Variants in RSRP1 observed in about 807,000 individuals in gnomAD.
RSRP1 encodes the protein arginine/serine-rich protein 1.
A neutral mutation model predicts 33.0 loss-of-function variants in RSRP1; 37 were observed. The observed-to-expected ratio is 1.12, with a 90% CI of 0.86 to 1.48. The LOEUF (loss-of-function observed/expected upper bound fraction) is 1.48, where lower values mean the gene tolerates loss of function less well. RSRP1 is among the 40% of genes most tolerant of loss of function. The pLI, the probability that RSRP1 is intolerant of heterozygous loss-of-function variation, is 0.00. For missense variants in RSRP1, 402 were observed against 385.3 expected (o/e 1.04, Z -0.36); for synonymous variants, 167 against 158.7 (o/e 1.05, Z -0.40).
chr1:25,337,643 C>CG (rs1645106129), intron 1 of RSRP1: 1 of 141,508 alleles, frequency 7.1e-6, no homozygotes, highest in African/African-American at 2.7e-5. Flanking sequence ...TGGGTAGAGG[C>CG]GGGGGATGCA....
rs749634133 is a variant in RSRP1, at chr1:25,246,733, G to A, written c.231C>T (p.Tyr77=). 5 of 1,607,942 alleles carry A rather than the reference G, an allele frequency of 3.1e-6. No homozygotes were observed. Among genetic ancestry groups the A allele is most frequent in the Middle Eastern group, 1.7e-4 (1 of 6,044 alleles). The part of the protein sequence containing the change: ...RRRHQRKYRR[Y]SRSYSRSRSR... ...ACCGGCTCCGCGAGTATGACCGCGAGTAGCGCCTGTACTTCCGCTGGTGGC... is the reference window on the plus strand; with the variant it reads ...ACCGGCTCCGCGAGTATGACCGCGAATAGCGCCTGTACTTCCGCTGGTGGC... The change falls in exon 2 of 5, where the codon TAC becomes TAT. Residue 77 remains tyrosine (Y), a synonymous_variant. Coordinates refer to ENST00000243189, the MANE Select transcript of RSRP1 (RefSeq NM_020317.5).
At chr1:25,260,482 T>A (rs1208214566) in intron 1 of RSRP1, among the ~76,000 whole-genome samples, 1 of 152,168 alleles carries the variant, frequency 6.6e-6, no homozygotes. Flanking sequence ...GAAGCCACCC[T>A]CCAAACACAG....
In RSRP1 at chr1:25,321,458, C is replaced by G. The variant is rs1343679789; in HGVS notation, c.-67+16520G>C. On this transcript the variant is annotated intron_variant, in intron 1 of 1. Transcript: ENST00000561867. ...GGTGGATCACCTGAGGTCGGGAGTT[C>G]GAGACCAGCCTGGCCAACATGGTGA... Among the ~76,000 whole-genome samples, 9 of 112,200 alleles carry G rather than the reference C, an allele frequency of 8.0e-5. 2 individuals are homozygous for G. Among genetic ancestry groups the G allele is most frequent in the Non-Finnish European group, 1.4e-4 (7 of 48,686 alleles). 73.6% of individuals were successfully genotyped at this position (112,200 alleles called of 152,430 possible).
rs763018743 is a variant in RSRP1 at position 25,246,632 on chromosome 1, T to G, written c.332A>C (p.Tyr111Ser). ...CGACCTGCTACGGGACCGGGACCGGTACCGCGAAGGAGACCGGTAGTATCT... is the reference window on the plus strand; with the variant it reads ...CGACCTGCTACGGGACCGGGACCGGGACCGCGAAGGAGACCGGTAGTATCT... ...TRRYYRSPSR[Y>S]RSRSRSRSRS... The change falls in exon 2 of 5, where the codon TAC becomes TCC. Residue 111 changes from tyrosine (Y) to serine (S), a missense_variant. Tyr to Ser is a moderately radical substitution (Grantham distance 144). Coordinates refer to ENST00000243189, the MANE Select transcript of RSRP1 (RefSeq NM_020317.5). 2.1e-5 allele frequency: 34 copies of G among 1,613,662 alleles called. No individual in the cohort carries two copies. The Admixed American group carries it at 2.3e-4, about 11-fold the overall frequency.
At chr1:25,285,385 C>T (rs561464673) in intron 1 of RSRP1, among the ~76,000 whole-genome samples, 4 of 134,830 alleles carry the variant, frequency 3.0e-5, no homozygotes, top group South Asian at 2.2e-4. Context: ...CCGCCCGCCT[C>T]GGCCTCCCAA....
chr1:25,264,551 G>A lies in RSRP1; in HGVS notation c.-66-17522C>T, dbSNP rs1262797505. 2.6e-5 allele frequency among the ~76,000 whole-genome samples: 4 copies of A among 151,060 alleles called. No individual in the cohort carries two copies. In the East Asian group the frequency reaches 5.9e-4, roughly 22 times the overall value. ...AGGCTGCACACAGCATGAGGACCCCGGGCCTGGCCAACAAAACCATTTTTT... is the reference window on the plus strand; with the variant it reads ...AGGCTGCACACAGCATGAGGACCCCAGGCCTGGCCAACAAAACCATTTTTT... On this transcript the variant is annotated intron_variant, in intron 1 of 1. Coordinates refer to the RSRP1 transcript ENST00000561867.
intron 1 of RSRP1, chr1:25,290,667 T>C (rs1642418051): frequency 7.3e-7 from 1 of 1,378,594 alleles, no homozygotes; most frequent in East Asian, 2.2e-5. Flanking sequence ...ATGAGTGCTT[T>C]GTCGGTGCTG....
At chr1:25,321,101 A>T (rs1411194276) in intron 1 of RSRP1, among the ~76,000 whole-genome samples, 1 of 130,982 alleles carries the variant, frequency 7.6e-6, no homozygotes, top group East Asian at 2.0e-4. Context: ...AAGGACAGGC[A>T]CTTAAGCAAG....
chr1:25,298,973 C>T (rs185249671), intron 1 of RSRP1, among the ~76,000 whole-genome samples: 1 of 121,798 alleles, frequency 8.2e-6, no homozygotes, highest in Non-Finnish European at 1.9e-5. Flanking sequence ...AACGAGTGCA[C>T]AAGCCATATG....
In RSRP1 at chr1:25,287,879, T is replaced by C. The variant is rs1483525261; in HGVS notation, c.-66-40850A>G. On this transcript the variant is annotated intron_variant, in intron 1 of 1. Transcript: ENST00000561867. ...ATTTTTTTACAGGCGCCTGCTACCA[T>C]GCCCTGCTAATTTTTGTATTTTTAG... Among the ~76,000 whole-genome samples the C allele has an allele frequency of 3.2e-5, 4 of 126,816 alleles. 1 individual carries two copies. Among genetic ancestry groups the C allele is most frequent in the Admixed American group, 1.5e-4 (2 of 13,024 alleles). The allele number at this position is 126,816 out of a possible 152,430, so 83.2% of individuals were successfully genotyped here. A position where few individuals can be genotyped will look rare whatever the true frequency, so the allele number is the denominator to read the frequency against.
In RSRP1 at chr1:25,245,288, C is replaced by T. The variant is rs1639266949; in HGVS notation, c.534G>A (p.Leu178=). 1 of 1,611,218 alleles carries T rather than the reference C, an allele frequency of 6.2e-7. No individual in the cohort carries two copies. Among genetic ancestry groups the T allele is most frequent in the South Asian group, 1.1e-5 (1 of 90,146 alleles). Residue 178 remains leucine, a synonymous_variant, in exon 3 of 5, where the codon CTG becomes CTA. Transcript: ENST00000243189. The part of the protein sequence containing the change: ...FRLSEKDRME[L]LEIAKTNAAK... Reference sequence around the variant, plus strand: ...CTGCATTGGTTTTTGCTATTTCTAACAGCTCCATTCGATCTAAAAAAAAAA... The same window carrying T: ...CTGCATTGGTTTTTGCTATTTCTAATAGCTCCATTCGATCTAAAAAAAAAA...
At position 25,332,633 on chromosome 1, in the gene RSRP1, T is replaced by C. The variant is rs1367727164; in HGVS notation, c.-67+5345A>G. Among the ~76,000 whole-genome samples the C allele has an allele frequency of 1.5e-5, 2 of 132,352 alleles. 1 individual carries two copies. The highest frequency in any genetic ancestry group is 3.6e-5 in the Non-Finnish European group (2 of 55,986). The allele number at this position is 132,352 out of a possible 152,430, so 86.8% of individuals were successfully genotyped here. On this transcript the variant is annotated intron_variant, in intron 1 of 1. Transcript: ENST00000561867. ...ACTTATTTAACCAATATTTATTGAGTGCCAACTTTGAGCCTAAGATACAGC... is the reference window on the plus strand; with the variant it reads ...ACTTATTTAACCAATATTTATTGAGCGCCAACTTTGAGCCTAAGATACAGC...
Position 25,247,014 on chromosome 1 carries a change from C to T in RSRP1, c.-51G>A. 1 of 1,498,176 alleles carries T rather than the reference C, an allele frequency of 6.7e-7. No individual in the cohort carries two copies. Among genetic ancestry groups the T allele is most frequent in the Non-Finnish European group, 9.0e-7 (1 of 1,116,978 alleles). 92.8% of individuals were successfully genotyped at this position (1,498,176 alleles called of 1,614,324 possible). A position where few individuals can be genotyped will look rare whatever the true frequency, so the allele number is the denominator to read the frequency against. On this transcript the variant is annotated 5_prime_UTR_variant, in exon 2 of 5. Coordinates refer to ENST00000243189, the MANE Select transcript of RSRP1 (RefSeq NM_020317.5). ...TTTCTCCGGAAAGGATCCCGCAAGC[C>T]TCAACTCAGGACTTCCTAAAAAACC...
At chr1:25,262,652 GA>G (rs1487069966) in intron 1 of RSRP1, among the ~76,000 whole-genome samples, 1 of 152,148 alleles carries the variant, frequency 6.6e-6, no homozygotes, top group Non-Finnish European at 1.5e-5. Flanking sequence ...CAGGAAAGCT[GA>G]TGATATAATT....
Position 25,293,608 on chromosome 1 carries a change from T to C in RSRP1, c.-67+44370A>G, listed in dbSNP as rs2904839. Among the ~76,000 whole-genome samples the C allele has an allele frequency of 1.5e-5, 2 of 131,260 alleles. 1 individual carries two copies. The highest frequency in any genetic ancestry group is 5.2e-5 in the African/African-American group (2 of 38,436). The allele number at this position is 131,260 out of a possible 152,430, so 86.1% of individuals were successfully genotyped here. ...TCTTCAGAAGCACTCCAAGCGTTTC[T>C]TCCTAGGATTTAGAAATTTATAATA... On this transcript the variant is annotated intron_variant, in intron 1 of 1. Transcript: ENST00000561867.
rs185118817 is a variant in RSRP1, at chr1:25,305,624, G to A, written c.-67+32354C>T. On this transcript the variant is annotated intron_variant, in intron 1 of 1. Coordinates refer to the RSRP1 transcript ENST00000561867. ...TTGTTGTTGTTGTTGTTGTTGAGAC[G>A]GTGTCTCGCTCTTTTGCCCAGGCTG... Among the ~76,000 whole-genome samples, 18 of 121,108 alleles carry A rather than the reference G, an allele frequency of 1.5e-4. 4 individuals are homozygous for A. Among genetic ancestry groups the A allele is most frequent in the Admixed American group, 5.6e-4 (7 of 12,538 alleles). The allele number at this position is 121,108 out of a possible 152,430, so 79.5% of individuals were successfully genotyped here.
intron 1 of RSRP1, among the ~76,000 whole-genome samples, chr1:25,312,919 CTAAAAAAAAAA>C (rs1644226360): frequency 2.8e-4 from 1 of 3,618 alleles, no homozygotes; most frequent in Admixed American, 5.7e-3. Context: ...AATCCCATCT[CTAAAAAAAAAA>C]AAAAAAAAAA....
chr1:25,275,216 G>A (rs1295901413), intron 1 of RSRP1, among the ~76,000 whole-genome samples: 1 of 131,974 alleles, frequency 7.6e-6, no homozygotes, highest in East Asian at 1.9e-4. Flanking sequence ...CTTGAACCCA[G>A]GAGGCAGAGG....
intron 1 of RSRP1, among the ~76,000 whole-genome samples, chr1:25,287,164 C>T (rs113867644): frequency 7.4e-6 from 1 of 135,314 alleles, no homozygotes; most frequent in Non-Finnish European, 1.8e-5. Flanking sequence ...CGCACACATG[C>T]ACGCATACAC....
Sources: allele counts gnomAD v4.1 joint callset (sites outside exome capture counted in the v4.1 genomes callset), GRCh38; gene constraint gnomAD v4.1.1; transcripts MANE v1.5; gene names NCBI Gene and HGNC (gene_info 2026-07-23, HGNC 2026-07-21).